IQGAP1: variants seen among roughly 807,000 people sequenced by gnomAD.
IQGAP1 encodes ras GTPase-activating-like protein IQGAP1.
Under a neutral mutation model 215.6 loss-of-function variants are expected in IQGAP1, and 66 were observed. That is an observed-to-expected ratio of 0.31 (90% CI 0.25 to 0.38). The LOEUF (loss-of-function observed/expected upper bound fraction) is 0.38, where lower values mean the gene tolerates loss of function less well. Among genes scored for constraint, IQGAP1 ranks in the 10% least tolerant of loss-of-function variants. The pLI, the probability that IQGAP1 is intolerant of heterozygous loss-of-function variation, is 1.00. For synonymous variants in IQGAP1, 772 were observed against 728.7 expected (o/e 1.06, Z -0.96); for missense variants, 1,712 against 1,997.1 (o/e 0.86, Z 2.72).
chr15:90,456,003 A>G, intron 14 of IQGAP1, 149 bp from the exon 15 acceptor site: 1 of 611,010 alleles, frequency 1.6e-6, no homozygotes, highest in Non-Finnish European at 2.8e-6. Context: ...TTAAAAAATG[A>G]AAACAGTGCT....
At chr15:90,411,867 C>G (rs1458547987) in intron 2 of IQGAP1, among the ~76,000 whole-genome samples, 2 of 152,102 alleles carry the variant, frequency 1.3e-5, no homozygotes, top group Non-Finnish European at 2.9e-5. Context: ...AAGACTTGAT[C>G]AAGGAGTAAG....
intron 2 of IQGAP1, among the ~76,000 whole-genome samples, chr15:90,401,520 G>T (rs889745900): frequency 6.6e-6 from 1 of 152,240 alleles, no homozygotes; most frequent in Non-Finnish European, 1.5e-5. Context: ...CCCAAAGTCA[G>T]TGTATTCCCC....
At chr15:90,467,007 G>A (rs1201601985) in intron 17 of IQGAP1, among the ~76,000 whole-genome samples, 3 of 152,052 alleles carry the variant, frequency 2.0e-5, no homozygotes, top group African/African-American at 7.2e-5. Flanking sequence ...CCGGAGAATC[G>A]CCTGAACCCG....
At chr15:90,451,898 C>T (rs1965609094) in intron 11 of IQGAP1, among the ~76,000 whole-genome samples, 1 of 150,008 alleles carries the variant, frequency 6.7e-6, no homozygotes, top group African/African-American at 2.5e-5. Flanking sequence ...GGCACAATTT[C>T]AGCTCACTGC....
chr15:90,420,872 G>A (rs1385433863), intron 2 of IQGAP1, among the ~76,000 whole-genome samples: 2 of 152,174 alleles, frequency 1.3e-5, no homozygotes. Flanking sequence ...GTCTTTATAG[G>A]CCGGGCACAG....
intron 16 of IQGAP1, 89 bp downstream of exon 16, chr15:90,466,180 C>G (rs1160438223): frequency 1.3e-6 from 2 of 1,573,208 alleles, no homozygotes; most frequent in African/African-American, 2.7e-5. Context: ...TATGGGGGAA[C>G]AATTTGCCAG....
At chr15:90,486,273 C>G (rs983407693) in intron 31 of IQGAP1, 141 bp downstream of exon 31, 3 of 563,246 alleles carry the variant, frequency 5.3e-6, no homozygotes, top group Non-Finnish European at 9.5e-6. Context: ...CTGATAGTTT[C>G]ATAAGAGAGA....
chr15:90,428,808 GAC>G (rs1965262759), intron 3 of IQGAP1, among the ~76,000 whole-genome samples: 1 of 152,098 alleles, frequency 6.6e-6, no homozygotes, highest in South Asian at 2.1e-4. Context: ...AAAAAAAGCA[GAC>G]ATTGAAGTTT....
chr15:90,406,629 C>T (rs1964882035), intron 2 of IQGAP1, among the ~76,000 whole-genome samples: 1 of 152,180 alleles, frequency 6.6e-6, no homozygotes, highest in Non-Finnish European at 1.5e-5. Context: ...AGAGAAAGCA[C>T]TTTTAGGGCA....
chr15:90,486,285 A>C (rs1372943448), intron 31 of IQGAP1, 153 bp downstream of exon 31: 6 of 517,062 alleles, frequency 1.2e-5, no homozygotes, highest in Non-Finnish European at 1.7e-5. Context: ...TAAGAGAGAA[A>C]ACAACAACAA....
At chr15:90,490,792 T>G (rs948630399) in intron 33 of IQGAP1, among the ~76,000 whole-genome samples, 5 of 152,000 alleles carry the variant, frequency 3.3e-5, no homozygotes, top group African/African-American at 4.8e-5. Flanking sequence ...TAAGCAGTTG[T>G]GTGATTTGTT....
chr15:90,433,748 T>C lies in IQGAP1; in HGVS notation c.420T>C (p.Tyr140=), dbSNP rs547750157. The change falls in exon 5 of 38, where the codon TAT becomes TAC. Residue 140 remains tyrosine, a synonymous_variant. Coordinates refer to ENST00000268182, the MANE Select transcript of IQGAP1 (RefSeq NM_003870.4). ...KIFYPETTDI[Y]DRKNMPRCIY... The stretch of plus-strand genomic sequence containing the variant: ...TTTACCCAGAAACTACAGATATCTA[T>C]GATCGAAAGAACATGCCAAGATGTA... The C allele has an allele frequency of 1.2e-5, 19 of 1,608,044 alleles. No homozygotes were observed. The highest frequency in any genetic ancestry group is 1.6e-5 in the Non-Finnish European group (19 of 1,176,068).
At chr15:90,433,696 C>T (rs1430382829) in intron 4 of IQGAP1, 23 bp from the exon 5 acceptor site, 1 of 1,392,644 alleles carries the variant, frequency 7.2e-7, no homozygotes, top group East Asian at 2.3e-5. Context: ...ATATCTTACT[C>T]TGTTTCTTTT....
At chr15:90,476,072 A>G (rs1046614440) in intron 23 of IQGAP1, among the ~76,000 whole-genome samples, 3 of 152,004 alleles carry the variant, frequency 2.0e-5, no homozygotes, top group African/African-American at 7.3e-5. Context: ...AGTAGCTAGG[A>G]CGACAGGTGC....
At position 90,453,269 on chromosome 15, in the gene IQGAP1, T is replaced by C. The variant is rs1295212642; in HGVS notation, c.1464T>C (p.Asn488=). 1 of 1,612,732 alleles carries C rather than the reference T, an allele frequency of 6.2e-7. No homozygotes were observed. The highest frequency in any genetic ancestry group is 1.7e-5 in the Admixed American group (1 of 59,702). Residue 488 remains asparagine (N), a synonymous_variant, in exon 13 of 38, where the codon AAT becomes AAC. Transcript: ENST00000268182. Reference sequence around the variant, plus strand: ...GCAGTTCAGTTACTGGTCTTACCAATATTGAGGAAGAAAACTGTCAGAGGT... The same window carrying C: ...GCAGTTCAGTTACTGGTCTTACCAACATTGAGGAAGAAAACTGTCAGAGGT... ...QLSSSVTGLT[N]IEEENCQRYL...
intron 2 of IQGAP1, among the ~76,000 whole-genome samples, chr15:90,418,370 T>C (rs974000398): frequency 2.0e-5 from 3 of 152,084 alleles, no homozygotes; most frequent in African/African-American, 7.2e-5. Flanking sequence ...AAGGATCCCT[T>C]GAGCCCAGGA....
chr15:90,425,983 A>G lies in IQGAP1; in HGVS notation c.156-127A>G, dbSNP rs751058204. 245 of 845,150 alleles carry G rather than the reference A, an allele frequency of 2.9e-4. 1 individual carries two copies. Among genetic ancestry groups the G allele is most frequent in the Non-Finnish European group, 2.1e-4 (124 of 577,794 alleles). The allele number at this position is 845,150 out of a possible 1,614,324, so 52.4% of individuals were successfully genotyped here. ...CAGGGAAAGGATGTGTGTGGAACTG[A>G]TTGTAAAAGAGTGCTATTATGTTCA... On this transcript the variant is annotated intron_variant, in intron 2 of 37. Transcript: ENST00000268182.
rs1966220439 is a variant in IQGAP1, at chr15:90,492,536, A to T, written c.4462-9A>T. On this transcript the variant is annotated splice_polypyrimidine_tract_variant and intron_variant, in intron 34 of 37. Transcript: ENST00000268182. ...CGTTATTTTTCTAACTTTAATAATT[A>T]TGTCTCAGGATATTCGGAATCAGCG... 5 of 1,588,214 alleles carry T rather than the reference A, an allele frequency of 3.1e-6. No individual in the cohort carries two copies. The East Asian group carries it at 9.0e-5, about 29-fold the overall frequency.
At chr15:90,451,492 C>G (rs1965603484) in intron 11 of IQGAP1, among the ~76,000 whole-genome samples, 1 of 152,160 alleles carries the variant, frequency 6.6e-6, no homozygotes, top group Non-Finnish European at 1.5e-5. Flanking sequence ...CCCCAAGAAC[C>G]AATCCAATCT....
Sources: gnomAD v4.1 joint callset for allele counts (sites outside exome capture counted in the v4.1 genomes callset) on GRCh38, gnomAD v4.1.1 for gene constraint, MANE v1.5 for transcripts, NCBI Gene and HGNC (gene_info 2026-07-23, HGNC 2026-07-21) for gene names.